Variants in PVT1 observed in about 807,000 individuals in gnomAD.
The protein encoded by PVT1 is CXCR4/PVT1 fusion.
chr8:127,822,487 G>A (rs1441465293), intron 2 of PVT1, among the ~76,000 whole-genome samples: 3 of 152,240 alleles, frequency 2.0e-5, no homozygotes, highest in African/African-American at 7.2e-5. Flanking sequence ...TGAGGCACAA[G>A]AATTGCTTGA....
intron 2 of PVT1, among the ~76,000 whole-genome samples, chr8:127,849,956 G>T (rs1201492574): frequency 2.7e-5 from 4 of 149,814 alleles, no homozygotes; most frequent in East Asian, 2.0e-4. Context: ...ATATGTGTGT[G>T]TGTGCTCCTG....
intron 2 of PVT1, among the ~76,000 whole-genome samples, chr8:127,840,618 C>A (rs907099878): frequency 6.6e-6 from 1 of 152,242 alleles, no homozygotes; most frequent in Non-Finnish European, 1.5e-5. Flanking sequence ...GTGCTGGCAG[C>A]CCTGGCCACA....
intron 2 of PVT1, among the ~76,000 whole-genome samples, chr8:127,811,086 C>T (rs997748272): frequency 6.6e-6 from 1 of 152,046 alleles, no homozygotes; most frequent in East Asian, 1.9e-4. Flanking sequence ...GGCAAACCAG[C>T]GGGTCCCTCT....
intron 4 of PVT1, among the ~76,000 whole-genome samples, chr8:128,033,039 GA>G (rs1378431840): frequency 6.6e-6 from 1 of 152,216 alleles, no homozygotes; most frequent in Non-Finnish European, 1.5e-5. Flanking sequence ...CAGGTAGGGT[GA>G]AGACCTGTTT....
intron 2 of PVT1, among the ~76,000 whole-genome samples, chr8:127,849,160 G>A (rs925160146): frequency 6.6e-6 from 1 of 152,148 alleles, no homozygotes; most frequent in African/African-American, 2.4e-5. Flanking sequence ...CAAGGGAAGG[G>A]GGTTAGAGAG....
At chr8:127,923,677 C>A (rs187455317) in intron 3 of PVT1, among the ~76,000 whole-genome samples, 2 of 152,170 alleles carry the variant, frequency 1.3e-5, no homozygotes, top group Non-Finnish European at 2.9e-5. Context: ...TTGGTGAAAA[C>A]GGCTATTTTG....
At chr8:127,936,385 G>C (rs1816275326) in intron 3 of PVT1, among the ~76,000 whole-genome samples, 4 of 152,122 alleles carry the variant, frequency 2.6e-5, no homozygotes, top group Admixed American at 2.6e-4. Context: ...CTGTAGCCCT[G>C]AAGCGCCCAG....
At chr8:127,929,433 C>T (rs1386298185) in intron 3 of PVT1, among the ~76,000 whole-genome samples, 3 of 152,144 alleles carry the variant, frequency 2.0e-5, no homozygotes, top group African/African-American at 2.4e-5. Context: ...TTCCTCCCAA[C>T]TCTTGCTTTG....
At chr8:127,904,642 A>T (rs527806635) in intron 3 of PVT1, among the ~76,000 whole-genome samples, 1 of 152,190 alleles carries the variant, frequency 6.6e-6, no homozygotes, top group Non-Finnish European at 1.5e-5. Context: ...TCTCACACTC[A>T]TGAAGTGTTG....
intron 3 of PVT1, among the ~76,000 whole-genome samples, chr8:127,953,618 G>A (rs1342047208): frequency 2.0e-5 from 3 of 152,082 alleles, no homozygotes; most frequent in African/African-American, 7.2e-5. Flanking sequence ...TAAATTGAAC[G>A]GGTAATTTGC....
intron 3 of PVT1, among the ~76,000 whole-genome samples, chr8:127,914,495 C>CA (rs1258924082): frequency 6.6e-6 from 1 of 152,018 alleles, no homozygotes; most frequent in Non-Finnish European, 1.5e-5. Context: ...CGTATGTCCA[C>CA]AAAAAGCTTT....
intron 3 of PVT1, among the ~76,000 whole-genome samples, chr8:127,978,447 A>G (rs377029454): frequency 1.3e-5 from 2 of 151,388 alleles, no homozygotes; most frequent in East Asian, 1.9e-4. Context: ...CACCACATCC[A>G]GCCTTAGTTG....
intron 5 of PVT1, among the ~76,000 whole-genome samples, chr8:128,086,909 G>C (rs1814265434): frequency 6.6e-6 from 1 of 152,224 alleles, no homozygotes; most frequent in Non-Finnish European, 1.5e-5. Context: ...TGAGGTTCTG[G>C]AGTTAGACTG....
intron 4 of PVT1, among the ~76,000 whole-genome samples, chr8:128,044,642 C>T (rs71520688): frequency 0.071 from 10,753 of 152,256 alleles, 493 homozygotes; most frequent in Non-Finnish European, 0.099. Flanking sequence ...GGTAATAATG[C>T]TTATAACAAC....
intron 2 of PVT1, among the ~76,000 whole-genome samples, chr8:127,834,561 T>C (rs1185370404): frequency 1.3e-5 from 2 of 152,240 alleles, no homozygotes; most frequent in Middle Eastern, 3.4e-3. Flanking sequence ...AAAGCCAGAA[T>C]TGACAAATGG....
chr8:127,997,095 C>A (rs1178058474), intron 4 of PVT1, among the ~76,000 whole-genome samples: 1 of 118,682 alleles, frequency 8.4e-6, no homozygotes, highest in Non-Finnish European at 1.6e-5. Context: ...ACTCTTGTTG[C>A]CTAGGGTGGA....
intron 5 of PVT1, among the ~76,000 whole-genome samples, chr8:128,079,426 AT>A (rs904862320): frequency 3.3e-4 from 50 of 152,166 alleles, no homozygotes; most frequent in Non-Finnish European, 5.7e-4. Flanking sequence ...AATATGGTAC[AT>A]TTTTTACAAT....
intron 2 of PVT1, among the ~76,000 whole-genome samples, chr8:127,868,271 A>C (rs1247283235): frequency 1.3e-5 from 2 of 152,128 alleles, no homozygotes; most frequent in African/African-American, 4.8e-5. Context: ...CTCACTGAAA[A>C]GAAGGGAATT....
intron 2 of PVT1, among the ~76,000 whole-genome samples, chr8:127,840,164 G>A (rs930179068): frequency 2.0e-5 from 3 of 152,202 alleles, no homozygotes; most frequent in African/African-American, 7.2e-5. Flanking sequence ...GGCTTTCTTC[G>A]GAAGGAGCAG....
Sources: gnomAD v4.1 joint callset for allele counts (sites outside exome capture counted in the v4.1 genomes callset) on GRCh38, gnomAD v4.1.1 for gene constraint, MANE v1.5 for transcripts, NCBI Gene and HGNC (gene_info 2026-07-23, HGNC 2026-07-21) for gene names.